The following CLIP3 variants were observed in gnomAD, a reference collection of about 807,000 sequenced individuals.
The protein encoded by CLIP3 is CAP-Gly domain containing linker protein 3, also known as CAP-Gly domain-containing linker protein 3.
Under a neutral mutation model 59.4 loss-of-function variants are expected in CLIP3, and 15 were observed. The observed-to-expected ratio is 0.25, with a 90% confidence interval of 0.17 to 0.39. CLIP3 has a LOEUF of 0.39. Among genes scored for constraint, CLIP3 ranks in the 10% least tolerant of loss-of-function variants. The pLI, the probability that CLIP3 is intolerant of heterozygous loss-of-function variation, is 1.00. For synonymous variants in CLIP3, 300 were observed against 321.6 expected, an observed-to-expected ratio of 0.93 and a Z score of 0.72; for missense variants, 495 against 765.7, an observed-to-expected ratio of 0.65 and a Z score of 4.17.
intron 9 of CLIP3, among the ~76,000 whole-genome samples, chr19:36,018,407 T>G (rs1395947004): frequency 6.6e-6 from 1 of 151,928 alleles, no homozygotes; most frequent in Non-Finnish European, 1.5e-5. Context: ...GGCAAAACCC[T>G]GTCTCTACAG....
At chr19:36,024,271 G>T in intron 7 of CLIP3, 125 bp downstream of exon 7, 1 of 740,510 alleles carries the variant, frequency 1.4e-6, no homozygotes, top group Non-Finnish European at 2.2e-6. Flanking sequence ...GTACTGGGTG[G>T]ATAGTTAGGG....
At chr19:36,025,022 T>C (rs576016065) in intron 6 of CLIP3, among the ~76,000 whole-genome samples, 1 of 149,806 alleles carries the variant, frequency 6.7e-6, no homozygotes, top group East Asian at 2.0e-4. Flanking sequence ...GCCAAGATCA[T>C]GCTACTGCAC....
Position 36,015,288 on chromosome 19 carries a change from C to G in CLIP3, c.*870G>C, listed in dbSNP as rs867407355. On this transcript the variant is annotated 3_prime_UTR_variant, in exon 14 of 14. Coordinates refer to ENST00000360535, the MANE Select transcript of CLIP3 (RefSeq NM_015526.3). Reference sequence around the variant, plus strand: ...CTTGAGGGCACAGGGGAGTTTGGGACGTGTGTACTCTAGGGTTTGGGATCC... The same window carrying G: ...CTTGAGGGCACAGGGGAGTTTGGGAGGTGTGTACTCTAGGGTTTGGGATCC... The G allele has an allele frequency of 6.6e-6, 1 of 152,362 alleles. No homozygotes were observed. The highest frequency in any genetic ancestry group is 6.6e-5 in the Admixed American group (1 of 15,248). 9.4% of individuals were successfully genotyped at this position (152,362 alleles called of 1,614,324 possible).
Position 36,016,772 on chromosome 19 carries a change from A to G in CLIP3, c.1589+135T>C. 1.2e-6 allele frequency: 1 copy of G among 865,724 alleles called. No individual in the cohort carries two copies. Among genetic ancestry groups the G allele is most frequent in the African/African-American group, 1.7e-5 (1 of 59,644 alleles). 53.6% of individuals were successfully genotyped at this position (865,724 alleles called of 1,614,324 possible). On this transcript the variant is annotated intron_variant, in intron 13 of 13. Transcript: ENST00000360535. The surrounding 1 kb of genome is among the most constrained non-coding windows in gnomAD (Gnocchi z 4.1). ...TACACCCTAAAGACTGTTTCTGGGTATGCTTACAAGTCACAAGTTTTCCTA... is the reference window on the plus strand; with the variant it reads ...TACACCCTAAAGACTGTTTCTGGGTGTGCTTACAAGTCACAAGTTTTCCTA...
chr19:36,028,714 A>G (rs1969179356), intron 2 of CLIP3, among the ~76,000 whole-genome samples: 1 of 152,048 alleles, frequency 6.6e-6, no homozygotes, highest in African/African-American at 2.4e-5. Context: ...AGTCTTCCCC[A>G]CGGCCCTCAG....
At chr19:36,030,080 G>A (rs1345510913) in intron 2 of CLIP3, among the ~76,000 whole-genome samples, 1 of 152,046 alleles carries the variant, frequency 6.6e-6, no homozygotes, top group Non-Finnish European at 1.5e-5. Flanking sequence ...TTTTGAGACA[G>A]GGTCTCACTG....
chr19:36,030,866 G>GC (rs1386162749), intron 2 of CLIP3, among the ~76,000 whole-genome samples: 1 of 152,128 alleles, frequency 6.6e-6, no homozygotes, highest in Non-Finnish European at 1.5e-5. Context: ...TCTTATGGCT[G>GC]ATTCCTCCCC....
Position 36,027,040 on chromosome 19 carries a change from C to G in CLIP3, c.312G>C (p.Leu104=), listed in dbSNP as rs1260007066. The G allele has an allele frequency of 6.2e-7, 1 of 1,601,736 alleles. No homozygotes were observed. The highest frequency in any genetic ancestry group is 8.5e-7 in the Non-Finnish European group (1 of 1,175,836). ...GATCGTTCACATGGCAGCCTCGGCGCAGAATCTGTGAGTACCAGGGGAGCA... is the reference window on the plus strand; with the variant it reads ...GATCGTTCACATGGCAGCCTCGGCGGAGAATCTGTGAGTACCAGGGGAGCA... The part of the protein sequence containing the change: ...HKIDVIGNEI[L]RRGCHVNDRD... Residue 104 remains leucine, a synonymous_variant, in exon 4 of 14, where the codon CTG becomes CTC. Coordinates refer to ENST00000360535, the MANE Select transcript of CLIP3 (RefSeq NM_015526.3).
chr19:36,018,786 T>C (rs758298421), intron 9 of CLIP3, 112 bp downstream of exon 9: 2 of 1,411,258 alleles, frequency 1.4e-6, no homozygotes, highest in Non-Finnish European at 9.6e-7. Context: ...ACTCAGAGCT[T>C]GTCTTCCAAA....
At chr19:36,030,690 T>C (rs1312412243) in intron 2 of CLIP3, among the ~76,000 whole-genome samples, 15 of 152,236 alleles carry the variant, frequency 9.9e-5, no homozygotes, top group Non-Finnish European at 1.5e-5. Context: ...ACCAAAGTCC[T>C]CACTGTAGCC....
chr19:36,027,084 T>TG, intron 3 of CLIP3, 39 bp from the exon 4 acceptor site: 1 of 1,596,376 alleles, frequency 6.3e-7, no homozygotes, highest in East Asian at 2.2e-5. Context: ...CACCCACACA[T>TG]GTGGGGAACC....
At position 36,017,897 on chromosome 19, in the gene CLIP3, G is replaced by A; in HGVS notation, c.1278C>T (p.Gly426=). Reference sequence around the variant, plus strand: ...AGAAGCGCACGATCCCCTGCTTCTGGCCCGCGACAAGGACCTGGTCTCCAA... The same window carrying A: ...AGAAGCGCACGATCCCCTGCTTCTGACCCGCGACAAGGACCTGGTCTCCAA... The part of the protein sequence containing the change: ...AEVGDQVLVA[G]QKQGIVRFYG... Residue 426 remains glycine, a synonymous_variant, in exon 10 of 14, where the codon GGC becomes GGT. Transcript: ENST00000360535. 6.2e-7 allele frequency: 1 copy of A among 1,614,082 alleles called. No homozygotes were observed. The highest frequency in any genetic ancestry group is 8.5e-7 in the Non-Finnish European group (1 of 1,179,992).
In CLIP3 at chr19:36,026,563, C is replaced by T; in HGVS notation, c.562+23G>A. 6.2e-7 allele frequency: 1 copy of T among 1,611,886 alleles called. No homozygotes were observed. The highest frequency in any genetic ancestry group is 8.5e-7 in the Non-Finnish European group (1 of 1,178,958). ...CCCTCACCCAGGTCCTTGCCCCCTCCCAGCCAGGGCTCTCCTCCTCACCTC... is the reference window on the plus strand; with the variant it reads ...CCCTCACCCAGGTCCTTGCCCCCTCTCAGCCAGGGCTCTCCTCCTCACCTC... On this transcript the variant is annotated intron_variant, in intron 5 of 13. Coordinates refer to ENST00000360535, the MANE Select transcript of CLIP3 (RefSeq NM_015526.3). This position sits in a 1 kb window ranked among gnomAD's most constrained non-coding sequence, Gnocchi z 6.3.
rs1177488564 is a variant in CLIP3 at position 36,024,480 on chromosome 19, G to C, written c.834C>G (p.Pro278=). The change falls in exon 7 of 14, where the codon CCC becomes CCG. Residue 278 remains proline (P), a synonymous_variant. Coordinates refer to ENST00000360535, the MANE Select transcript of CLIP3 (RefSeq NM_015526.3). ...GATTGCCTGGGACGTTGTCATAGTT[G>C]GGTAGCGTGACCTTGGGGAGGGCGC... The part of the protein sequence containing the change: ...LSCALPKVTL[P]NYDNVPGNLM... The C allele has an allele frequency of 6.2e-7, 1 of 1,614,234 alleles. No homozygotes were observed.
In CLIP3 at chr19:36,016,343, G is replaced by A; in HGVS notation, c.1590-131C>T. On this transcript the variant is annotated intron_variant, in intron 13 of 13. Coordinates refer to ENST00000360535, the MANE Select transcript of CLIP3 (RefSeq NM_015526.3). This position sits in a 1 kb window ranked among gnomAD's most constrained non-coding sequence, Gnocchi z 4.1. ...TTCTGCCTCTACCTCTCTGGCTGTGGTTTGTTTGTTTGTTTGTTTTCTGAG... is the reference window on the plus strand; with the variant it reads ...TTCTGCCTCTACCTCTCTGGCTGTGATTTGTTTGTTTGTTTGTTTTCTGAG... The A allele has an allele frequency of 1.1e-6, 1 of 934,124 alleles. No individual in the cohort carries two copies. Among genetic ancestry groups the A allele is most frequent in the Non-Finnish European group, 1.7e-6 (1 of 605,286 alleles). 57.9% of individuals were successfully genotyped at this position (934,124 alleles called of 1,614,324 possible).
In CLIP3 at chr19:36,015,553, G is replaced by A. The variant is rs1467373897; in HGVS notation, c.*605C>T. 7 of 155,634 alleles carry A rather than the reference G, an allele frequency of 4.5e-5. No homozygotes were observed. Among genetic ancestry groups the A allele is most frequent in the African/African-American group, 1.7e-4 (7 of 41,390 alleles). The allele number at this position is 155,634 out of a possible 1,614,324, so 9.6% of individuals were successfully genotyped here. A position where few individuals can be genotyped will look rare whatever the true frequency, so the allele number is the denominator to read the frequency against. ...GTCTGTAAATTAGGGGTGACAGTGG[G>A]CTGGTTATGGTGGGTTTCTTCTTGA... is the stretch of plus-strand genomic sequence containing the variant. On this transcript the variant is annotated 3_prime_UTR_variant, in exon 14 of 14. Transcript: ENST00000360535.
Position 36,026,789 on chromosome 19 carries a change from G to C in CLIP3, c.401-42C>G, listed in dbSNP as rs1171036954. On this transcript the variant is annotated intron_variant, in intron 4 of 13. Coordinates refer to ENST00000360535, the MANE Select transcript of CLIP3 (RefSeq NM_015526.3). The surrounding 1 kb of genome is among the most constrained non-coding windows in gnomAD (Gnocchi z 6.3). ...GTCAGCTTGGAACCCCCATTCCAGA[G>C]CATGGGCCCAGTGCACGGGGAGGAC... 2 of 1,579,434 alleles carry C rather than the reference G, an allele frequency of 1.3e-6. No homozygotes were observed. The highest frequency in any genetic ancestry group is 1.7e-6 in the Non-Finnish European group (2 of 1,168,618).
At position 36,026,016 on chromosome 19, in the gene CLIP3, T is replaced by G. The variant is rs1163258126; in HGVS notation, c.681+131A>C. 1 of 668,234 alleles carries G rather than the reference T, an allele frequency of 1.5e-6. No individual in the cohort carries two copies. Among genetic ancestry groups the G allele is most frequent in the Non-Finnish European group, 2.7e-6 (1 of 367,042 alleles). The allele number at this position is 668,234 out of a possible 1,614,324, so 41.4% of individuals were successfully genotyped here. ...AACACTAGGCATATTTCAGCTGTTA[T>G]TGCATTTGCTGAATGTACAGACGGC... On this transcript the variant is annotated intron_variant, in intron 6 of 13. Coordinates refer to ENST00000360535, the MANE Select transcript of CLIP3 (RefSeq NM_015526.3). This position sits in a 1 kb window ranked among gnomAD's most constrained non-coding sequence, Gnocchi z 6.3.
chr19:36,032,374 C>T lies in CLIP3; in HGVS notation c.-17G>A. The T allele has an allele frequency of 8.1e-7, 1 of 1,229,298 alleles. No homozygotes were observed. The allele number at this position is 1,229,298 out of a possible 1,614,324, so 76.1% of individuals were successfully genotyped here. Reference sequence around the variant, plus strand: ...CTTAGTCATGGTCCTCGGTGGCCCTCGGGGGGCGGGTGCAGAGTTGGGGGC... The same window carrying T: ...CTTAGTCATGGTCCTCGGTGGCCCTTGGGGGGCGGGTGCAGAGTTGGGGGC... On this transcript the variant is annotated 5_prime_UTR_variant, in exon 2 of 14. Transcript: ENST00000360535. The surrounding 1 kb of genome is among the most constrained non-coding windows in gnomAD (Gnocchi z 4.3).
Sources: gnomAD v4.1 joint callset for allele counts (sites outside exome capture counted in the v4.1 genomes callset) on GRCh38, gnomAD v4.1.1 for gene constraint, Gnocchi (gnomAD v3.1) non-coding constraint, MANE v1.5 for transcripts, NCBI Gene and HGNC (gene_info 2026-07-23, HGNC 2026-07-21) for gene names.